Variants in PDE11A observed in about 807,000 individuals in gnomAD.
The protein encoded by PDE11A is dual 3',5'-cyclic-AMP and -GMP phosphodiesterase 11A.
A neutral mutation model predicts 100.5 loss-of-function variants in PDE11A; 100 were observed. The ratio of observed to expected loss-of-function variants is 1.00; its 90% CI spans 0.85 to 1.18. PDE11A has a LOEUF of 1.18. PDE11A is among the 50% of genes most tolerant of loss of function. The pLI, the probability that PDE11A is intolerant of heterozygous loss-of-function variation, is 0.00. For missense variants in PDE11A, 1,141 were observed against 1,152.6 expected (o/e 0.99, Z 0.15); for synonymous variants, 381 against 420.8 (o/e 0.91, Z 1.16).
intron 19 of PDE11A, among the ~76,000 whole-genome samples, chr2:177,651,252 T>A (rs1424640168): frequency 6.6e-6 from 1 of 152,150 alleles, no homozygotes; most frequent in East Asian, 1.9e-4. Context: ...GCAGAGATAC[T>A]GAGGTTGAGA....
intron 10 of PDE11A, among the ~76,000 whole-genome samples, chr2:177,758,710 A>T (rs2082130601): frequency 6.6e-6 from 1 of 152,172 alleles, no homozygotes; most frequent in Non-Finnish European, 1.5e-5. Flanking sequence ...GCACCACCTC[A>T]TCAACAATCC....
intron 4 of PDE11A, among the ~76,000 whole-genome samples, chr2:177,895,260 A>T (rs1280437715): frequency 5.9e-5 from 9 of 152,184 alleles, no homozygotes; most frequent in Non-Finnish European, 1.3e-4. Flanking sequence ...CATTTAAAAA[A>T]TGCTATTCTG....
chr2:177,792,689 T>C (rs560935358), intron 9 of PDE11A, among the ~76,000 whole-genome samples: 3 of 152,214 alleles, frequency 2.0e-5, no homozygotes, highest in East Asian at 3.9e-4. Context: ...GAAATAAAAA[T>C]GCAAAGGGCA....
chr2:177,660,257 A>G lies in PDE11A; in HGVS notation c.2646+3609T>C, dbSNP rs184820750. 3.1e-3 allele frequency among the ~76,000 whole-genome samples: 468 copies of G among 151,794 alleles called. 1 individual carries two copies. The highest frequency in any genetic ancestry group is 0.011 in the African/African-American group (442 of 41,436). On this transcript the variant is annotated intron_variant, in intron 19 of 19. Coordinates refer to ENST00000286063, the MANE Select transcript of PDE11A (RefSeq NM_016953.4). ...GAACTCTATGCTCACATATAAACAT[A>G]TGGATATAAGCCTGGCCTACATCCT...
chr2:177,985,065 T>C (rs34473720), intron 2 of PDE11A, among the ~76,000 whole-genome samples: 9,553 of 152,290 alleles, frequency 0.063, 311 homozygotes, highest in South Asian at 0.094. Context: ...CTCTCAGCTA[T>C]CTCCAACCAG....
chr2:177,828,128 A>T (rs1432065715), intron 6 of PDE11A, among the ~76,000 whole-genome samples: 2 of 152,246 alleles, frequency 1.3e-5, no homozygotes, highest in Non-Finnish European at 2.9e-5. Flanking sequence ...TTTCATGATT[A>T]TAAAAATAAT....
chr2:178,010,049 T>C (rs1253431387), intron 2 of PDE11A, among the ~76,000 whole-genome samples: 2 of 152,226 alleles, frequency 1.3e-5, no homozygotes, highest in Non-Finnish European at 2.9e-5. Context: ...TGAACTTTCA[T>C]AAGGCTCATT....
At chr2:177,737,980 C>G (rs902737484) in intron 10 of PDE11A, among the ~76,000 whole-genome samples, 2 of 152,180 alleles carry the variant, frequency 1.3e-5, no homozygotes, top group East Asian at 3.9e-4. Context: ...TTTCCCAAAC[C>G]ATGCCACAAT....
chr2:177,701,710 G>A lies in PDE11A; in HGVS notation c.2154-499C>T, dbSNP rs114854722. ...TCAGAACAACTGTCTTATACAAAAC[G>A]TATTTGACCTTCCATAGGAGAAGAC... On this transcript the variant is annotated intron_variant, in intron 13 of 19. Coordinates refer to ENST00000286063, the MANE Select transcript of PDE11A (RefSeq NM_016953.4). 2.7e-3 allele frequency among the ~76,000 whole-genome samples: 408 copies of A among 152,254 alleles called. 2 individuals carry two copies. Among genetic ancestry groups the A allele is most frequent in the Middle Eastern group, 0.01 (3 of 294 alleles).
intron 19 of PDE11A, among the ~76,000 whole-genome samples, chr2:177,631,994 A>G (rs2079957318): frequency 6.6e-6 from 1 of 152,166 alleles, no homozygotes; most frequent in African/African-American, 2.4e-5. Flanking sequence ...GGAGGAAGGT[A>G]AGAATCCATA....
At chr2:177,679,049 G>A (rs1357052166) in intron 16 of PDE11A, among the ~76,000 whole-genome samples, 10 of 148,796 alleles carry the variant, frequency 6.7e-5, no homozygotes, top group Admixed American at 6.0e-4. Flanking sequence ...ATCCAGAAGC[G>A]TATATGGCTT....
chr2:177,986,854 A>G (rs969649298), intron 2 of PDE11A, among the ~76,000 whole-genome samples: 1 of 151,586 alleles, frequency 6.6e-6, no homozygotes, highest in Non-Finnish European at 1.5e-5. Context: ...AAGAATGGGG[A>G]TAATAATGGT....
chr2:177,837,029 G>A (rs2083413390), intron 6 of PDE11A, among the ~76,000 whole-genome samples: 1 of 152,180 alleles, frequency 6.6e-6, no homozygotes, highest in African/African-American at 2.4e-5. Context: ...CAAGGGGAAG[G>A]GAATCCAGAA....
intron 19 of PDE11A, among the ~76,000 whole-genome samples, chr2:177,654,846 C>A (rs2080358295): frequency 6.6e-6 from 1 of 152,184 alleles, no homozygotes; most frequent in Admixed American, 6.5e-5. Context: ...TTTCCTCCCA[C>A]CCTTCCTGCT....
intron 4 of PDE11A, 29 bp downstream of exon 4, chr2:177,898,029 T>C (rs756710499): frequency 3.2e-6 from 5 of 1,563,394 alleles, no homozygotes; most frequent in Non-Finnish European, 4.4e-6. Context: ...CACACAGTCT[T>C]CAACTTTAAA....
At chr2:177,919,254 T>C (rs1441580300) in intron 2 of PDE11A, among the ~76,000 whole-genome samples, 4 of 145,902 alleles carry the variant, frequency 2.7e-5, no homozygotes, top group East Asian at 2.0e-4. Context: ...CGCACCACCA[T>C]GCCTGGCTAA....
intron 12 of PDE11A, among the ~76,000 whole-genome samples, chr2:177,721,525 G>A (rs2105439558): frequency 6.6e-6 from 1 of 152,154 alleles, no homozygotes; most frequent in Non-Finnish European, 1.5e-5. Context: ...ATAGCTGTAT[G>A]TATATAGCAC....
chr2:177,746,993 A>G (rs1221248484), intron 10 of PDE11A, among the ~76,000 whole-genome samples: 1 of 152,232 alleles, frequency 6.6e-6, no homozygotes, highest in African/African-American at 2.4e-5. Context: ...AAAACTGAGG[A>G]TAGAGGCAGG....
chr2:177,696,851 C>G (rs978807948), intron 15 of PDE11A, among the ~76,000 whole-genome samples: 1 of 152,100 alleles, frequency 6.6e-6, no homozygotes, highest in Non-Finnish European at 1.5e-5. Context: ...GGTGCAATTT[C>G]CAGCTTAGAG....
Sources: allele counts gnomAD v4.1 joint callset (sites outside exome capture counted in the v4.1 genomes callset), GRCh38; gene constraint gnomAD v4.1.1; transcripts MANE v1.5; gene names NCBI Gene and HGNC (gene_info 2026-07-23, HGNC 2026-07-21).